The following MBNL1 variants were observed in gnomAD, a reference collection of about 807,000 sequenced individuals.
MBNL1 encodes muscleblind like splicing regulator 1.
In MBNL1, 8 loss-of-function variants were observed where a neutral mutation model predicts 42.2. The ratio of observed to expected loss-of-function variants is 0.19; its 90% CI spans 0.11 to 0.34. The LOEUF (loss-of-function observed/expected upper bound fraction) is 0.34, where lower values mean the gene tolerates loss of function less well. Among genes scored for constraint, MBNL1 ranks in the 10% least tolerant of loss-of-function variants. MBNL1 has a pLI of 1.00. For synonymous variants in MBNL1, 169 were observed against 173.9 expected, an observed-to-expected ratio of 0.97 and a Z score of 0.22; for missense variants, 309 against 495.3, an observed-to-expected ratio of 0.62 and a Z score of 3.57.
In MBNL1 at chr3:152,332,083, A is replaced by G. The variant is rs189652937; in HGVS notation, c.174+31716A>G. On this transcript the variant is annotated intron_variant, in intron 2 of 9. Transcript: ENST00000324210. The stretch of plus-strand genomic sequence containing the variant: ...CCATTGACATCAGTGAGAAATAAAA[A>G]CTATAGCTATAATGGTTAAGTTGAG... Among the ~76,000 whole-genome samples the G allele has an allele frequency of 2.3e-3, 346 of 152,300 alleles. 4 individuals carry two copies. Among genetic ancestry groups the G allele is most frequent in the South Asian group, 6.0e-3 (29 of 4,824 alleles).
chr3:152,251,834 A>G (rs1576781458), intron 2 of MBNL1, among the ~76,000 whole-genome samples: 1 of 152,052 alleles, frequency 6.6e-6, no homozygotes, highest in Non-Finnish European at 1.5e-5. Flanking sequence ...CTCCTCATCA[A>G]AAATTTCCTC....
upstream of MBNL1, chr3:152,268,638 C>A (rs550017293): frequency 7.3e-6 from 3 of 411,364 alleles, no homozygotes; most frequent in Admixed American, 8.7e-5. Flanking sequence ...CCGAGGGGAT[C>A]CACGGCGCCC....
intron 2 of MBNL1, among the ~76,000 whole-genome samples, chr3:152,347,736 G>A (rs527645717): frequency 7.8e-4 from 118 of 152,212 alleles, no homozygotes; most frequent in African/African-American, 2.6e-3. Flanking sequence ...TATACCTGCC[G>A]CCATCTTGAC....
intron 2 of MBNL1, among the ~76,000 whole-genome samples, chr3:152,333,655 G>A (rs1278811410): frequency 6.6e-6 from 1 of 152,130 alleles, no homozygotes; most frequent in Non-Finnish European, 1.5e-5. Context: ...ATGGCAATGT[G>A]TCTACCTTGT....
intron 2 of MBNL1, among the ~76,000 whole-genome samples, chr3:152,251,016 G>A (rs2034436752): frequency 1.3e-5 from 2 of 152,052 alleles, no homozygotes; most frequent in Non-Finnish European, 2.9e-5. Flanking sequence ...TCATCCCTGG[G>A]ATGCAAGGCT....
At chr3:152,265,524 C>T (rs2037087383), upstream of MBNL1, 1 of 152,012 alleles carries the variant, frequency 6.6e-6, no homozygotes, top group African/African-American at 2.4e-5. Flanking sequence ...CACTCACACA[C>T]TTACATAGGT....
At chr3:152,276,729 C>G (rs1467526341) in intron 1 of MBNL1, among the ~76,000 whole-genome samples, 9 of 152,006 alleles carry the variant, frequency 5.9e-5, no homozygotes, top group Admixed American at 5.9e-4. Flanking sequence ...CATTGATGAC[C>G]AGCTAGTAAG....
chr3:152,337,564 G>A (rs2091174476), intron 2 of MBNL1, among the ~76,000 whole-genome samples: 1 of 150,678 alleles, frequency 6.6e-6, no homozygotes, highest in Non-Finnish European at 1.5e-5. Flanking sequence ...GTTGCAGTGA[G>A]CCAAGATTGC....
intron 2 of MBNL1, among the ~76,000 whole-genome samples, chr3:152,248,011 A>G (rs1346386316): frequency 6.6e-6 from 1 of 151,846 alleles, no homozygotes; most frequent in Non-Finnish European, 1.5e-5. Flanking sequence ...TTTTTTTAAT[A>G]TGTAGTGGTT....
rs904600078 is a variant in MBNL1, at chr3:152,299,663, G to GA, written c.-521dup. On this transcript the variant is annotated 5_prime_UTR_variant, in exon 2 of 10. Transcript: ENST00000324210. Reference sequence around the variant, plus strand: ...TATCTTCTGCCAGGAAATCAAGGAGGAAAAAAAAAATCATTTTCTCGATTT... The same window carrying GA: ...TATCTTCTGCCAGGAAATCAAGGAGGAAAAAAAAAAATCATTTTCTCGATTT... The GA allele has an allele frequency of 9.9e-5, 38 of 382,388 alleles. No individual in the cohort carries two copies. Among genetic ancestry groups the GA allele is most frequent in the South Asian group, 1.3e-4 (1 of 7,550 alleles). The allele number at this position is 382,388 out of a possible 1,614,324, so 23.7% of individuals were successfully genotyped here.
chr3:152,438,469 A>G (rs1383208762), intron 4 of MBNL1, among the ~76,000 whole-genome samples: 1 of 152,226 alleles, frequency 6.6e-6, no homozygotes, highest in Admixed American at 6.5e-5. Context: ...AATGTTTATC[A>G]TGTGTTAACA....
At chr3:152,303,825 G>A (rs1183738206) in intron 2 of MBNL1, among the ~76,000 whole-genome samples, 4 of 152,096 alleles carry the variant, frequency 2.6e-5, no homozygotes, top group African/African-American at 9.7e-5. Flanking sequence ...TACTAGGGAT[G>A]GGAGAAAGAG....
chr3:152,297,803 C>T (rs962781328), intron 1 of MBNL1, among the ~76,000 whole-genome samples: 2 of 151,962 alleles, frequency 1.3e-5, no homozygotes, highest in Non-Finnish European at 2.9e-5. Context: ...ATTATAGGTG[C>T]CACCACCACG....
chr3:152,396,234 A>G (rs1205818351), intron 2 of MBNL1: 4 of 293,996 alleles, frequency 1.4e-5, no homozygotes, highest in South Asian at 9.3e-5. Flanking sequence ...GGTGAGTGTT[A>G]TAATTATTTT....
intron 2 of MBNL1, among the ~76,000 whole-genome samples, chr3:152,305,868 A>G (rs538838992): frequency 6.6e-6 from 1 of 152,236 alleles, no homozygotes; most frequent in Non-Finnish European, 1.5e-5. Context: ...CATCAAATGC[A>G]CATCTACCTA....
intron 2 of MBNL1, among the ~76,000 whole-genome samples, chr3:152,388,703 T>C (rs1318503238): frequency 6.6e-6 from 1 of 152,196 alleles, no homozygotes; most frequent in East Asian, 1.9e-4. Context: ...CTGATTCTGG[T>C]TCAGAGGCCT....
rs1181841149 is a variant in MBNL1 at position 152,462,819 on chromosome 3, A to C, written c.*453A>C. 6.6e-6 allele frequency: 1 copy of C among 152,302 alleles called. No homozygotes were observed. Among genetic ancestry groups the C allele is most frequent in the Non-Finnish European group, 1.5e-5 (1 of 67,996 alleles). The allele number at this position is 152,302 out of a possible 1,614,324, so 9.4% of individuals were successfully genotyped here. A position where few individuals can be genotyped will look rare whatever the true frequency, so the allele number is the denominator to read the frequency against. On this transcript the variant is annotated 3_prime_UTR_variant, in exon 10 of 10. Transcript: ENST00000324210. ...TTCTTTCAAGGTTTACAAATAACAA[A>C]GGTGCACCTTGTATTTAAAATTGCC...
intron 2 of MBNL1, among the ~76,000 whole-genome samples, chr3:152,260,160 A>G (rs1417041120): frequency 6.6e-6 from 1 of 152,226 alleles, no homozygotes; most frequent in East Asian, 1.9e-4. Context: ...AAAATGCAGC[A>G]GTAACTGGTG....
At chr3:152,362,414 C>A (rs1246788195) in intron 2 of MBNL1, among the ~76,000 whole-genome samples, 1 of 152,142 alleles carries the variant, frequency 6.6e-6, no homozygotes, top group Non-Finnish European at 1.5e-5. Context: ...TAGTTTAACA[C>A]TTTGTTTTAA....
Sources: allele counts gnomAD v4.1 joint callset (sites outside exome capture counted in the v4.1 genomes callset), GRCh38; gene constraint gnomAD v4.1.1; transcripts MANE v1.5; gene names NCBI Gene and HGNC (gene_info 2026-07-23, HGNC 2026-07-21).